Variants in MCC observed in about 807,000 individuals in gnomAD.
The protein encoded by MCC is colorectal mutant cancer protein.
MCC carries 90 observed loss-of-function variants against 116.2 expected under a neutral mutation model. That is an observed-to-expected ratio of 0.77 (90% confidence interval 0.65 to 0.92). The LOEUF is 0.92. Ranked by LOEUF, MCC falls within the 40% of genes least tolerant of loss-of-function variation. The pLI is 0.00. For synonymous variants in MCC, 578 were observed against 510.5 expected (o/e 1.13, Z -1.78); for missense variants, 1,516 against 1,312.2 (o/e 1.16, Z -2.40).
intron 16 of MCC, among the ~76,000 whole-genome samples, chr5:113,045,367 T>G (rs1051399176): frequency 2.0e-5 from 3 of 152,216 alleles, no homozygotes; most frequent in African/African-American, 7.2e-5. Context: ...GACTCAAATG[T>G]GGCCCGCCAG....
chr5:113,037,172 T>G (rs563062919), intron 17 of MCC, among the ~76,000 whole-genome samples: 13 of 152,344 alleles, frequency 8.5e-5, no homozygotes, highest in African/African-American at 2.9e-4. Context: ...ATCCCACTCT[T>G]TGTGTGGCTC....
intron 3 of MCC, among the ~76,000 whole-genome samples, chr5:113,298,955 A>G (rs1000306612): frequency 6.6e-6 from 1 of 152,140 alleles, no homozygotes; most frequent in Non-Finnish European, 1.5e-5. Flanking sequence ...AAATTGTTCA[A>G]GTATAGGTGG....
rs1766037430 is a variant in MCC at position 113,281,262 on chromosome 5, A to G, written c.627+59257T>C. On this transcript the variant is annotated intron_variant, in intron 3 of 18. Transcript: ENST00000408903. ...TCTGTAACCTTCTTCCAGTTAACCA[A>G]TTGCAACTCGTACAGTAATTCACAA... Among the ~76,000 whole-genome samples the G allele has an allele frequency of 4.6e-5, 7 of 152,184 alleles. No individual in the cohort carries two copies. In the South Asian group the frequency reaches 1.5e-3, roughly 32 times the overall value.
chr5:113,115,852 G>A (rs145403261), intron 6 of MCC, among the ~76,000 whole-genome samples: 125 of 152,244 alleles, frequency 8.2e-4, no homozygotes, highest in Non-Finnish European at 1.4e-3. Flanking sequence ...AAATCTTTGG[G>A]GTAGAGAAGG....
intron 3 of MCC, among the ~76,000 whole-genome samples, chr5:113,277,547 G>A (rs1405170650): frequency 6.6e-6 from 1 of 152,106 alleles, no homozygotes; most frequent in Admixed American, 6.6e-5. Flanking sequence ...CTCATGTGAT[G>A]TGAACTAATT....
At chr5:113,419,983 G>A (rs1580353102) in intron 1 of MCC, among the ~76,000 whole-genome samples, 1 of 149,938 alleles carries the variant, frequency 6.7e-6, no homozygotes, top group Non-Finnish European at 1.5e-5. Context: ...TAACAAACCT[G>A]CACGTTGTGC....
At chr5:113,373,047 C>T (rs748079264) in intron 2 of MCC, among the ~76,000 whole-genome samples, 23 of 152,016 alleles carry the variant, frequency 1.5e-4, no homozygotes, top group South Asian at 6.2e-4. Context: ...GGCATGGTGG[C>T]GAGCACCTGT....
chr5:113,092,317 G>A (rs1349246651), intron 8 of MCC, among the ~76,000 whole-genome samples: 1 of 152,106 alleles, frequency 6.6e-6, no homozygotes, highest in Non-Finnish European at 1.5e-5. Flanking sequence ...GATGAAGGAA[G>A]GGGCATACTC....
intron 3 of MCC, among the ~76,000 whole-genome samples, chr5:113,252,994 T>C (rs1410855207): frequency 6.6e-6 from 1 of 152,258 alleles, no homozygotes; most frequent in Non-Finnish European, 1.5e-5. Context: ...TCTGTACTTC[T>C]TGAATTTTTA....
intron 3 of MCC, among the ~76,000 whole-genome samples, chr5:113,274,721 C>T (rs1055925357): frequency 6.6e-6 from 1 of 152,112 alleles, no homozygotes; most frequent in East Asian, 1.9e-4. Context: ...AGCTATTTCC[C>T]ATCATTCAAA....
chr5:113,119,574 G>C (rs957596821), intron 6 of MCC, among the ~76,000 whole-genome samples: 3 of 152,240 alleles, frequency 2.0e-5, no homozygotes, highest in African/African-American at 4.8e-5. Context: ...TGTTGGCTGC[G>C]TGCTGAGGAA....
At position 113,035,939 on chromosome 5, in the gene MCC, G is replaced by A. The variant is rs575683008; in HGVS notation, c.2757-6883C>T. ...CAGCTGTCTCTAAGTCCTTTATAAGGATAACATCATTTCATTCCCACATAA... is the reference window on the plus strand; with the variant it reads ...CAGCTGTCTCTAAGTCCTTTATAAGAATAACATCATTTCATTCCCACATAA... On this transcript the variant is annotated intron_variant, in intron 17 of 18. Transcript: ENST00000408903. Among the ~76,000 whole-genome samples the A allele has an allele frequency of 2.0e-4, 30 of 150,646 alleles. No individual in the cohort carries two copies. In the South Asian group the frequency reaches 4.6e-3, roughly 23 times the overall value.
chr5:113,207,228 G>A (rs531195097), intron 3 of MCC, among the ~76,000 whole-genome samples: 9 of 152,238 alleles, frequency 5.9e-5, no homozygotes, highest in Non-Finnish European at 1.2e-4. Context: ...GTTATGCAAC[G>A]GTGGGCAAAT....
chr5:113,396,476 C>CA (rs10632667), intron 1 of MCC, among the ~76,000 whole-genome samples: 3,084 of 143,958 alleles, frequency 0.021, 78 homozygotes, highest in African/African-American at 0.061. Flanking sequence ...ACTAACAATA[C>CA]AAAAAAAAAA....
intron 1 of MCC, among the ~76,000 whole-genome samples, chr5:113,395,753 T>C (rs1372213367): frequency 2.0e-5 from 3 of 152,224 alleles, no homozygotes; most frequent in African/African-American, 7.2e-5. Context: ...CTCCATACCA[T>C]TCAAGTCAGT....
At chr5:113,158,908 C>T (rs953572251) in intron 3 of MCC, among the ~76,000 whole-genome samples, 30 of 152,090 alleles carry the variant, frequency 2.0e-4, no homozygotes, top group African/African-American at 6.3e-4. Flanking sequence ...CCGAGGGATG[C>T]GTAAACCTGC....
At chr5:113,431,277 G>C (rs1056883954) in intron 1 of MCC, among the ~76,000 whole-genome samples, 1 of 152,128 alleles carries the variant, frequency 6.6e-6, no homozygotes, top group Non-Finnish European at 1.5e-5. Flanking sequence ...CTATGACAAA[G>C]TACCACAAAC....
chr5:113,103,360 C>T (rs1210158856), intron 7 of MCC, among the ~76,000 whole-genome samples: 1 of 152,208 alleles, frequency 6.6e-6, no homozygotes, highest in African/African-American at 2.4e-5. Context: ...CCTCCTCCTT[C>T]CCTCTCAACT....
intron 3 of MCC, among the ~76,000 whole-genome samples, chr5:113,151,756 C>A (rs75199794): frequency 6.6e-6 from 1 of 152,286 alleles, no homozygotes; most frequent in African/African-American, 2.4e-5. Context: ...GTGGAGCTGC[C>A]TGATTCTAAT....
Sources: allele counts gnomAD v4.1 joint callset (sites outside exome capture counted in the v4.1 genomes callset), GRCh38; gene constraint gnomAD v4.1.1; transcripts MANE v1.5; gene names NCBI Gene and HGNC (gene_info 2026-07-23, HGNC 2026-07-21).